Variants in PRR11 observed in about 807,000 individuals in gnomAD.
PRR11 encodes the protein proline rich 11, also known as proline-rich protein 11.
In PRR11, 30 loss-of-function variants were observed where a neutral mutation model predicts 45.6. That is an observed-to-expected ratio of 0.66 (90% CI 0.49 to 0.89). The LOEUF (loss-of-function observed/expected upper bound fraction) is 0.89, where lower values mean the gene tolerates loss of function less well. Ranked by LOEUF, PRR11 falls within the 40% of genes least tolerant of loss-of-function variation. The pLI, the probability that PRR11 is intolerant of heterozygous loss-of-function variation, is 0.00. For synonymous variants in PRR11, 128 were observed against 153.5 expected (o/e 0.83, Z 1.23); for missense variants, 373 against 424.8 (o/e 0.88, Z 1.07).
intron 6 of PRR11, among the ~76,000 whole-genome samples, 170 bp downstream of exon 6, chr17:59,195,025 G>T (rs1372794994): frequency 1.3e-5 from 2 of 152,154 alleles, no homozygotes; most frequent in African/African-American, 4.8e-5. Context: ...ATACAATTGG[G>T]GTCGGGGGTG....
At chr17:59,169,234 G>A (rs2046695089) in intron 1 of PRR11, among the ~76,000 whole-genome samples, 1 of 151,700 alleles carries the variant, frequency 6.6e-6, no homozygotes, top group African/African-American at 2.4e-5. Flanking sequence ...CAATAGCTGG[G>A]ATTACAGACA....
In PRR11 at chr17:59,201,583, A is replaced by T; in HGVS notation, c.1035A>T (p.Pro345=). 1 of 1,613,090 alleles carries T rather than the reference A, an allele frequency of 6.2e-7. No individual in the cohort carries two copies. The highest frequency in any genetic ancestry group is 8.5e-7 in the Non-Finnish European group (1 of 1,179,998). The change falls in exon 10 of 10, where the codon CCA becomes CCT. Residue 345 remains proline (P), a synonymous_variant. Coordinates refer to ENST00000262293, the MANE Select transcript of PRR11 (RefSeq NM_018304.4). ...RKFQLAHPRS[P]TPTLPLSTSS... ...TATAGCTGGCTCACCCTAGAAGCCC[A>T]ACTCCAACTCTGCCACTTTCTACAA... is the stretch of plus-strand genomic sequence containing the variant.
chr17:59,182,639 C>T (rs1234404589), intron 2 of PRR11, among the ~76,000 whole-genome samples: 13 of 151,828 alleles, frequency 8.6e-5, no homozygotes, highest in African/African-American at 3.1e-4. Flanking sequence ...GTGATCCATC[C>T]GCCTCGGCCT....
At chr17:59,177,092 T>G (rs764452310) in intron 2 of PRR11, 183 of 546,662 alleles carry the variant, frequency 3.3e-4, no homozygotes, top group Non-Finnish European at 4.9e-4. Context: ...CAAGAATAAA[T>G]GAAAGGCTGG....
intron 2 of PRR11, among the ~76,000 whole-genome samples, chr17:59,184,656 G>A (rs1035874277): frequency 2.6e-5 from 4 of 152,034 alleles, no homozygotes; most frequent in Non-Finnish European, 4.4e-5. Context: ...GCTTTAAACC[G>A]CCAGAGCTGG....
At chr17:59,182,358 C>G (rs1194350876) in intron 2 of PRR11, among the ~76,000 whole-genome samples, 1 of 146,910 alleles carries the variant, frequency 6.8e-6, no homozygotes, top group East Asian at 2.1e-4. Flanking sequence ...ATACACCCTC[C>G]TCAGGTTCTC....
chr17:59,175,593 A>G (rs1232779044), intron 2 of PRR11, among the ~76,000 whole-genome samples: 1 of 152,170 alleles, frequency 6.6e-6, no homozygotes, highest in East Asian at 1.9e-4. Flanking sequence ...AGATACAAAA[A>G]TCAGCCTGGT....
At chr17:59,194,898 C>T (rs771233783) in intron 6 of PRR11, 43 bp downstream of exon 6, 1 of 1,510,052 alleles carries the variant, frequency 6.6e-7, no homozygotes, top group South Asian at 1.1e-5. Context: ...TTGCTTTTAA[C>T]AATATAGGCT....
At chr17:59,170,329 A>G (rs985057167) in intron 2 of PRR11, among the ~76,000 whole-genome samples, 1 of 152,038 alleles carries the variant, frequency 6.6e-6, no homozygotes, top group African/African-American at 2.4e-5. Context: ...ATTATGTCCT[A>G]TGTGACATTT....
chr17:59,198,085 G>A (rs532211806), intron 9 of PRR11, among the ~76,000 whole-genome samples: 31 of 152,302 alleles, frequency 2.0e-4, no homozygotes, highest in African/African-American at 7.2e-4. Flanking sequence ...CTGCACTCCA[G>A]TCTGGGTGAC....
chr17:59,179,030 C>G (rs1261479495), intron 2 of PRR11, among the ~76,000 whole-genome samples: 1 of 152,130 alleles, frequency 6.6e-6, no homozygotes, highest in Non-Finnish European at 1.5e-5. Flanking sequence ...GATGGAGTCT[C>G]GCTCTGTGGG....
chr17:59,188,671 G>T (rs1473878621), intron 4 of PRR11, among the ~76,000 whole-genome samples: 1 of 152,024 alleles, frequency 6.6e-6, no homozygotes, highest in East Asian at 1.9e-4. Flanking sequence ...AGGCGTGGTG[G>T]CTCACACCTG....
At chr17:59,192,449 G>GT (rs1255068436) in intron 4 of PRR11, among the ~76,000 whole-genome samples, 1 of 152,192 alleles carries the variant, frequency 6.6e-6, no homozygotes, top group Non-Finnish European at 1.5e-5. Flanking sequence ...TAGGGTCGTT[G>GT]TATTTGTTTG....
intron 2 of PRR11, among the ~76,000 whole-genome samples, chr17:59,171,782 A>G (rs2046709799): frequency 6.6e-6 from 1 of 152,128 alleles, no homozygotes; most frequent in South Asian, 2.1e-4. Context: ...AATTTCTATG[A>G]CAGGAACTTA....
intron 9 of PRR11, among the ~76,000 whole-genome samples, chr17:59,200,914 C>T (rs1037839282): frequency 1.3e-5 from 2 of 152,152 alleles, no homozygotes; most frequent in Admixed American, 6.5e-5. Context: ...CGTGAGCCAC[C>T]GTCCTCGGCC....
chr17:59,160,135 C>G (rs2046644341), intron 1 of PRR11, among the ~76,000 whole-genome samples: 1 of 151,836 alleles, frequency 6.6e-6, no homozygotes, highest in African/African-American at 2.4e-5. Context: ...AAACTTATTG[C>G]CTGCCAGGCA....
intron 2 of PRR11, among the ~76,000 whole-genome samples, chr17:59,174,158 C>T (rs939099399): frequency 6.6e-6 from 1 of 152,084 alleles, no homozygotes; most frequent in African/African-American, 2.4e-5. Context: ...TGATCTGCTT[C>T]ATAGCAAGGA....
At chr17:59,177,765 C>G (rs1163702528) in intron 2 of PRR11, among the ~76,000 whole-genome samples, 1 of 152,132 alleles carries the variant, frequency 6.6e-6, no homozygotes, top group East Asian at 1.9e-4. Context: ...CCTGTGATCC[C>G]AGAAGTTTGA....
In PRR11 at chr17:59,162,213, G is replaced by GACACAC. The variant is rs58983044; in HGVS notation, c.-6+6440_-6+6445dup. Among the ~76,000 whole-genome samples the GACACAC allele has an allele frequency of 4.7e-3, 651 of 139,576 alleles. 1 individual carries two copies. Among genetic ancestry groups the GACACAC allele is most frequent in the African/African-American group, 0.014 (538 of 38,150 alleles). The allele number at this position is 139,576 out of a possible 152,430, so 91.6% of individuals were successfully genotyped here. On this transcript the variant is annotated intron_variant, in intron 1 of 9. Transcript: ENST00000262293. Reference sequence around the variant, plus strand: ...ATAGAAGCACTAATAACCCAAGTCAGACACACACACACACACACACACACA... The same window carrying GACACAC: ...ATAGAAGCACTAATAACCCAAGTCAGACACACACACACACACACACACACACACACA...
Sources: gnomAD v4.1 joint callset for allele counts (sites outside exome capture counted in the v4.1 genomes callset) on GRCh38, gnomAD v4.1.1 for gene constraint, MANE v1.5 for transcripts, NCBI Gene and HGNC (gene_info 2026-07-23, HGNC 2026-07-21) for gene names.